The following PCBP3 variants were observed in gnomAD, a reference collection of about 807,000 sequenced individuals.
The protein encoded by PCBP3 is poly(rC)-binding protein 3.
A neutral mutation model predicts 52.7 loss-of-function variants in PCBP3; 25 were observed. The observed-to-expected ratio is 0.47, with a 90% CI of 0.35 to 0.66. PCBP3 has a LOEUF of 0.66. PCBP3 is among the 30% of genes least tolerant of loss of function. The pLI is 0.01. For synonymous variants in PCBP3, 162 were observed against 183.0 expected (o/e 0.89, Z 0.93); for missense variants, 391 against 490.3 (o/e 0.80, Z 1.91).
chr21:45,700,060 C>T (rs1257839752), intron 2 of PCBP3, among the ~76,000 whole-genome samples: 1 of 152,230 alleles, frequency 6.6e-6, no homozygotes, highest in Non-Finnish European at 1.5e-5. Flanking sequence ...GATTTCATTT[C>T]TGTAGTCAAG....
intron 4 of PCBP3, among the ~76,000 whole-genome samples, chr21:45,797,121 C>T (rs1433520712): frequency 2.0e-5 from 3 of 152,026 alleles, no homozygotes; most frequent in Admixed American, 6.6e-5. Flanking sequence ...GGTGAAAGAG[C>T]GTGGTGTATG....
At chr21:45,870,892 A>T (rs1288500515) in intron 5 of PCBP3, 1 of 153,312 alleles carries the variant, frequency 6.5e-6, no homozygotes, top group Non-Finnish European at 1.5e-5. Context: ...CAGCCCTCTC[A>T]TGCGCAGAAC....
In PCBP3 at chr21:45,706,334, G is replaced by GT. The variant is rs1236992034; in HGVS notation, c.-199-29057dup. Among the ~76,000 whole-genome samples, 4 of 152,180 alleles carry GT rather than the reference G, an allele frequency of 2.6e-5. No individual in the cohort carries two copies. The East Asian group carries it at 7.7e-4, about 29-fold the overall frequency. On this transcript the variant is annotated intron_variant, in intron 2 of 17. Coordinates refer to ENST00000681687, the MANE Select transcript of PCBP3 (RefSeq NM_001384156.1). ...AGCAGCAGGTTCATTGATTCTGAGT[G>GT]TGCTGCCTGGATGCCCAGTCTGGCT...
chr21:45,869,065 G>A (rs1348511882), intron 5 of PCBP3: 5 of 152,202 alleles, frequency 3.3e-5, no homozygotes, highest in Non-Finnish European at 7.3e-5. Context: ...GTGCGTTCTG[G>A]CAAGTAGAAA....
chr21:45,930,892 C>G, intron 15 of PCBP3, 47 bp downstream of exon 15: 1 of 1,609,348 alleles, frequency 6.2e-7, no homozygotes, highest in South Asian at 1.1e-5. Flanking sequence ...GGCAGCAGAG[C>G]AGAGCCCCAG....
intron 4 of PCBP3, among the ~76,000 whole-genome samples, chr21:45,844,699 C>G (rs983905111): frequency 6.6e-6 from 1 of 152,046 alleles, no homozygotes; most frequent in African/African-American, 2.4e-5. Flanking sequence ...TGTTAGCCCA[C>G]AAAAGTGGCA....
Position 45,901,118 on chromosome 21 carries a change from C to A in PCBP3, c.339+5C>A, listed in dbSNP as rs904721617. 1.9e-6 allele frequency: 3 copies of A among 1,593,206 alleles called. No individual in the cohort carries two copies. The South Asian group carries it at 3.3e-5, about 18-fold the overall frequency. The stretch of plus-strand genomic sequence containing the variant: ...ATCGCATACAAGTTTGAGGAGGTAA[C>A]CTGCACCCCAGGCACCTCTGCCAGC... On this transcript the variant is annotated splice_donor_5th_base_variant and intron_variant, in intron 9 of 17. Coordinates refer to ENST00000681687, the MANE Select transcript of PCBP3 (RefSeq NM_001384156.1).
chr21:45,644,259 C>A (rs2079105733), intron 1 of PCBP3, among the ~76,000 whole-genome samples: 1 of 151,608 alleles, frequency 6.6e-6, no homozygotes, highest in Admixed American at 6.6e-5. Flanking sequence ...CTGGGGAACA[C>A]CCCGGAGCGG....
chr21:45,673,265 C>T (rs2147329775), intron 2 of PCBP3, among the ~76,000 whole-genome samples: 1 of 152,322 alleles, frequency 6.6e-6, no homozygotes, highest in Middle Eastern at 3.4e-3. Context: ...CGCCTCTCCA[C>T]TGTTTGGAAA....
At chr21:45,723,415 A>G (rs976003997) in intron 2 of PCBP3, among the ~76,000 whole-genome samples, 2 of 152,232 alleles carry the variant, frequency 1.3e-5, no homozygotes, top group African/African-American at 4.8e-5. Context: ...TAGTTCTGAT[A>G]ATGAGAGTGA....
intron 2 of PCBP3, among the ~76,000 whole-genome samples, chr21:45,707,502 T>G (rs945363962): frequency 1.3e-5 from 2 of 152,108 alleles, no homozygotes; most frequent in African/African-American, 2.4e-5. Context: ...GGAGACAAAG[T>G]GAGACTCCGT....
intron 4 of PCBP3, chr21:45,832,577 A>G (rs530483726): frequency 1.3e-5 from 2 of 152,130 alleles, no homozygotes; most frequent in Admixed American, 6.5e-5. Context: ...CATGTTGACA[A>G]TAAGTCCCAC....
intron 4 of PCBP3, among the ~76,000 whole-genome samples, chr21:45,785,517 T>C (rs925320191): frequency 8.8e-6 from 1 of 113,330 alleles, no homozygotes; most frequent in East Asian, 2.7e-4. Context: ...GGGGGGGGGG[T>C]CAGCCCCCCG....
Position 45,743,557 on chromosome 21 carries a change from G to A in PCBP3, c.-162+8128G>A, listed in dbSNP as rs530679627. Among the ~76,000 whole-genome samples, 35 of 152,200 alleles carry A rather than the reference G, an allele frequency of 2.3e-4. No homozygotes were observed. In the South Asian group the frequency reaches 6.2e-3, roughly 27 times the overall value. ...AGTGTTGATTCTTGGAATAAACCCC[G>A]TTAGGCCATAGCTCTTCCAATTATA... On this transcript the variant is annotated intron_variant, in intron 3 of 17. Transcript: ENST00000681687.
At chr21:45,874,342 G>A (rs942531017) in intron 5 of PCBP3, among the ~76,000 whole-genome samples, 1 of 152,102 alleles carries the variant, frequency 6.6e-6, no homozygotes, top group Non-Finnish European at 1.5e-5. Context: ...TGGAGAGTTC[G>A]AGTCAATGAA....
At chr21:45,726,864 A>G (rs2085086795) in intron 2 of PCBP3, among the ~76,000 whole-genome samples, 1 of 152,108 alleles carries the variant, frequency 6.6e-6, no homozygotes, top group South Asian at 2.1e-4. Context: ...CATTTTAAAA[A>G]CTGGGTTGTT....
chr21:45,671,817 A>T (rs2081192242), intron 2 of PCBP3, among the ~76,000 whole-genome samples: 1 of 152,112 alleles, frequency 6.6e-6, no homozygotes, highest in Non-Finnish European at 1.5e-5. Context: ...CAGTGGGGAG[A>T]GGGATTTTGA....
chr21:45,865,775 G>A (rs929604109), intron 5 of PCBP3, among the ~76,000 whole-genome samples: 8 of 152,228 alleles, frequency 5.3e-5, no homozygotes, highest in East Asian at 3.8e-4. Flanking sequence ...CTCGGAAAGC[G>A]GGGACTGGTG....
chr21:45,905,102 T>C (rs918711246), intron 9 of PCBP3, among the ~76,000 whole-genome samples: 2 of 152,224 alleles, frequency 1.3e-5, no homozygotes, highest in Non-Finnish European at 2.9e-5. Context: ...ATTCTTCCTT[T>C]TCAAAATCAG....
Sources: gnomAD v4.1 joint callset for allele counts (sites outside exome capture counted in the v4.1 genomes callset) on GRCh38, gnomAD v4.1.1 for gene constraint, MANE v1.5 for transcripts, NCBI Gene and HGNC (gene_info 2026-07-23, HGNC 2026-07-21) for gene names.